The following SPATA16 variants were observed in gnomAD, a reference collection of about 807,000 sequenced individuals.
The protein encoded by SPATA16 is spermatogenesis-associated protein 16.
In SPATA16, 36 loss-of-function variants were observed where a neutral mutation model predicts 63.3. That is an observed-to-expected ratio of 0.57 (90% CI 0.44 to 0.75). The LOEUF (loss-of-function observed/expected upper bound fraction) is 0.75. SPATA16 is among the 30% of genes least tolerant of loss of function. The pLI is 0.00. For missense variants in SPATA16, 646 were observed against 679.3 expected (o/e 0.95, Z 0.54); for synonymous variants, 203 against 216.7 (o/e 0.94, Z 0.56).
chr3:173,057,095 ATTTTC>A (rs1056853600), intron 2 of SPATA16, among the ~76,000 whole-genome samples: 6 of 145,710 alleles, frequency 4.1e-5, no homozygotes, highest in African/African-American at 1.5e-4. Flanking sequence ...CAACTATAGT[ATTTTC>A]TTTTCTTTTC....
chr3:173,089,258 G>A (rs1737161199), intron 2 of SPATA16, among the ~76,000 whole-genome samples: 1 of 152,174 alleles, frequency 6.6e-6, no homozygotes, highest in African/African-American at 2.4e-5. Flanking sequence ...GTGAATGGAA[G>A]GTAGAGGAAA....
rs888573031 is a variant in SPATA16 at position 172,950,447 on chromosome 3, G to A, written c.1081+6230C>T. Among the ~76,000 whole-genome samples, 13 of 152,260 alleles carry A rather than the reference G, an allele frequency of 8.5e-5. No individual in the cohort carries two copies. The South Asian group carries it at 2.3e-3, about 27-fold the overall frequency. ...CGGTGCAAATATTAGATGATTTATC[G>A]TCTTATAACCAAACTGGCTTTAACA... On this transcript the variant is annotated intron_variant, in intron 6 of 10. Transcript: ENST00000351008.
chr3:172,978,099 C>T (rs774476440), intron 4 of SPATA16, among the ~76,000 whole-genome samples: 2 of 151,632 alleles, frequency 1.3e-5, no homozygotes, highest in South Asian at 2.1e-4. Flanking sequence ...AAACAAATAC[C>T]ACCAACTGGA....
At chr3:173,112,400 C>G (rs13070393) in intron 2 of SPATA16, among the ~76,000 whole-genome samples, 27,455 of 152,094 alleles carry the variant, frequency 0.18, 2,760 homozygotes, top group African/African-American at 0.27. Context: ...CTGGCAAGAT[C>G]TAGAATTTTG....
intron 6 of SPATA16, among the ~76,000 whole-genome samples, chr3:172,937,973 G>A (rs757229278): frequency 2.3e-4 from 35 of 152,166 alleles, no homozygotes; most frequent in African/African-American, 8.2e-4. Context: ...GAGAAGGGGG[G>A]TAAACAGATC....
At chr3:172,942,699 C>T (rs1733184470) in intron 6 of SPATA16, among the ~76,000 whole-genome samples, 2 of 152,114 alleles carry the variant, frequency 1.3e-5, no homozygotes, top group African/African-American at 4.8e-5. Context: ...GTAATGAATA[C>T]ATTAAAAAAC....
chr3:173,060,127 G>A (rs1353515456), intron 2 of SPATA16, among the ~76,000 whole-genome samples: 1 of 151,922 alleles, frequency 6.6e-6, no homozygotes, highest in Non-Finnish European at 1.5e-5. Context: ...CATGGTTGCG[G>A]GCGCCTGTAA....
At chr3:172,925,159 AG>A (rs1388444238) in intron 7 of SPATA16, among the ~76,000 whole-genome samples, 186 bp downstream of exon 7, 5 of 151,548 alleles carry the variant, frequency 3.3e-5, no homozygotes, top group African/African-American at 1.2e-4. Context: ...GATTAGAGTG[AG>A]GGGGGTGGGC....
intron 6 of SPATA16, among the ~76,000 whole-genome samples, chr3:172,953,233 G>A (rs1170439061): frequency 6.6e-6 from 1 of 152,118 alleles, no homozygotes; most frequent in East Asian, 1.9e-4. Context: ...GTAAATAAAT[G>A]TTCGCTGAAT....
intron 6 of SPATA16, among the ~76,000 whole-genome samples, chr3:172,942,193 T>G (rs1250299072): frequency 1.3e-5 from 2 of 152,154 alleles, no homozygotes; most frequent in Non-Finnish European, 2.9e-5. Context: ...TCTCAGGGAC[T>G]TATACTCTGG....
intron 4 of SPATA16, among the ~76,000 whole-genome samples, chr3:172,999,880 A>T (rs12630318): frequency 0.066 from 10,071 of 152,124 alleles, 499 homozygotes; most frequent in East Asian, 0.12. Flanking sequence ...CTCTATTCAT[A>T]TCTTATATTT....
At chr3:172,959,787 CATATATATATATATAT>C (rs66806016) in intron 5 of SPATA16, among the ~76,000 whole-genome samples, 6 of 135,512 alleles carry the variant, frequency 4.4e-5, no homozygotes, top group African/African-American at 1.2e-4. Context: ...AGTAATATAA[CATATATATATATATAT>C]ATATATATAT....
At chr3:173,029,729 G>A (rs527745279) in intron 3 of SPATA16, among the ~76,000 whole-genome samples, 2 of 152,132 alleles carry the variant, frequency 1.3e-5, no homozygotes, top group Admixed American at 6.6e-5. Context: ...TTGGTCACAA[G>A]ATATGCAAAA....
chr3:172,973,547 C>T (rs1048822372), intron 5 of SPATA16, among the ~76,000 whole-genome samples: 5 of 152,056 alleles, frequency 3.3e-5, no homozygotes, highest in Admixed American at 2.6e-4. Flanking sequence ...AAGACACACA[C>T]ATGAAAACTT....
intron 2 of SPATA16, among the ~76,000 whole-genome samples, chr3:173,053,411 C>T (rs1236110892): frequency 6.6e-6 from 1 of 151,970 alleles, no homozygotes; most frequent in African/African-American, 2.4e-5. Flanking sequence ...AAGGAAATGT[C>T]AGTACTAAAT....
At chr3:172,964,340 T>C (rs1370082194) in intron 5 of SPATA16, among the ~76,000 whole-genome samples, 2 of 152,232 alleles carry the variant, frequency 1.3e-5, no homozygotes, top group Non-Finnish European at 2.9e-5. Flanking sequence ...ATGTTCTTGT[T>C]CTATAGACCC....
chr3:173,028,045 T>C (rs1241469196), intron 3 of SPATA16, among the ~76,000 whole-genome samples: 26 of 116,930 alleles, frequency 2.2e-4, no homozygotes, highest in African/African-American at 8.3e-4. Flanking sequence ...CTTCCTTCCT[T>C]CCTTCCTTCC....
At chr3:172,995,006 G>A (rs1399284237) in intron 4 of SPATA16, among the ~76,000 whole-genome samples, 1 of 152,082 alleles carries the variant, frequency 6.6e-6, no homozygotes, top group East Asian at 1.9e-4. Context: ...AATATAAAAG[G>A]TGGAGCTTGA....
At chr3:173,077,560 G>A (rs2108311448) in intron 2 of SPATA16, among the ~76,000 whole-genome samples, 1 of 152,318 alleles carries the variant, frequency 6.6e-6, no homozygotes, top group East Asian at 1.9e-4. Flanking sequence ...CCCAGAGCCG[G>A]TGGTGAGATA....
Sources: allele counts gnomAD v4.1 joint callset (sites outside exome capture counted in the v4.1 genomes callset), GRCh38; gene constraint gnomAD v4.1.1; transcripts MANE v1.5; gene names NCBI Gene and HGNC (gene_info 2026-07-23, HGNC 2026-07-21).